The following WAC variants were observed in gnomAD, a reference collection of about 807,000 sequenced individuals.
WAC encodes the protein WW domain-containing adapter protein with coiled-coil.
In WAC, 11 loss-of-function variants were observed where a neutral mutation model predicts 79.6. The observed-to-expected ratio is 0.14, with a 90% confidence interval of 0.09 to 0.23. WAC has a LOEUF of 0.23. WAC is among the 10% of genes least tolerant of loss of function. WAC has a pLI of 1.00. For synonymous variants in WAC, 304 were observed against 276.9 expected, an observed-to-expected ratio of 1.10 and a Z score of -0.97; for missense variants, 728 against 773.5, an observed-to-expected ratio of 0.94 and a Z score of 0.70.
intron 6 of WAC, among the ~76,000 whole-genome samples, chr10:28,593,744 T>A (rs866863393): frequency 8.7e-5 from 13 of 149,098 alleles, no homozygotes; most frequent in East Asian, 2.0e-4. Context: ...AAAAAAAAAA[T>A]AAAATATTTT....
Position 28,595,847 on chromosome 10 carries a change from G to C in WAC, c.725G>C (p.Ser242Thr), listed in dbSNP as rs1460365656. The change falls in exon 7 of 14, where the codon AGT (serine) becomes ACT (threonine). Residue 242 changes from serine (S) to threonine (T), a missense_variant. Transcript: ENST00000354911. The part of the protein sequence containing the change: ...YRLPRAETHS[S>T]STPVQHPIKP... ...CTGCCAAGAGCAGAGACTCACAGTA[G>C]TTCTACGCCAGTACAGCACCCCATC... 1.2e-6 allele frequency: 2 copies of C among 1,614,150 alleles called. No individual in the cohort carries two copies. Among genetic ancestry groups the C allele is most frequent in the Admixed American group, 3.3e-5 (2 of 60,012 alleles).
chr10:28,535,782 T>G, intron 3 of WAC, 25 bp downstream of exon 3: 1 of 1,577,716 alleles, frequency 6.3e-7, no homozygotes, highest in Non-Finnish European at 8.6e-7. Context: ...TGTTGAAACT[T>G]TGACATACAG....
chr10:28,574,245 TC>T, intron 3 of WAC, among the ~76,000 whole-genome samples: 1 of 152,328 alleles, frequency 6.6e-6, no homozygotes, highest in East Asian at 1.9e-4. Flanking sequence ...CCTCCCAGGT[TC>T]CAGTGATTCT....
rs1413673436 is a variant in WAC, at chr10:28,596,047, C to T, written c.919+6C>T. 1 of 1,612,078 alleles carries T rather than the reference C, an allele frequency of 6.2e-7. No individual in the cohort carries two copies. The highest frequency in any genetic ancestry group is 1.3e-5 in the African/African-American group (1 of 74,812). On this transcript the variant is annotated splice_donor_region_variant and intron_variant, in intron 7 of 13. Coordinates refer to ENST00000354911, the MANE Select transcript of WAC (RefSeq NM_016628.5). ...ACAGAAAACAGAAAGAAAAGGTATG[C>T]CATTATTACTAGATGCTGCACGTTG...
chr10:28,566,897 A>T (rs1014598517), intron 3 of WAC, among the ~76,000 whole-genome samples: 2 of 147,246 alleles, frequency 1.4e-5, no homozygotes, highest in Non-Finnish European at 1.5e-5. Flanking sequence ...GCAGATTCAG[A>T]TCTTCTTTTA....
At position 28,613,508 on chromosome 10, in the gene WAC, A is replaced by G. The variant is rs1438463168; in HGVS notation, c.1438-1059A>G. 2.7e-5 allele frequency among the ~76,000 whole-genome samples: 4 copies of G among 150,888 alleles called. No individual in the cohort carries two copies. The East Asian group carries it at 5.8e-4, about 22-fold the overall frequency. Reference sequence around the variant, plus strand: ...GCAACCAGACTAAGACCCTGTCTGGAAAAAAAAAATCCTTTAAGCAGGTAG... The same window carrying G: ...GCAACCAGACTAAGACCCTGTCTGGGAAAAAAAAATCCTTTAAGCAGGTAG... On this transcript the variant is annotated intron_variant, in intron 10 of 13. Transcript: ENST00000354911.
chr10:28,609,926 CTTTT>C (rs35905966), intron 8 of WAC, among the ~76,000 whole-genome samples: 51 of 115,676 alleles, frequency 4.4e-4, no homozygotes, highest in South Asian at 3.9e-3. Flanking sequence ...TTCCTAAATA[CTTTT>C]TTTTTTTTTT....
At chr10:28,562,376 A>G (rs1211056737) in intron 3 of WAC, among the ~76,000 whole-genome samples, 7 of 151,878 alleles carry the variant, frequency 4.6e-5, no homozygotes, top group South Asian at 2.1e-4. Context: ...TAGATTTTCT[A>G]TGTGTTTTTT....
At chr10:28,541,618 G>T (rs778547930) in intron 3 of WAC, among the ~76,000 whole-genome samples, 4 of 151,514 alleles carry the variant, frequency 2.6e-5, no homozygotes, top group Non-Finnish European at 5.9e-5. Flanking sequence ...ATTTTCAAAG[G>T]GTTTCTATAT....
At chr10:28,541,188 T>C (rs1015290762) in intron 3 of WAC, among the ~76,000 whole-genome samples, 4 of 152,138 alleles carry the variant, frequency 2.6e-5, no homozygotes, top group African/African-American at 9.7e-5. Flanking sequence ...TTTTGGTCTG[T>C]AATTCACAGA....
At chr10:28,577,548 T>TA (rs1489113475) in intron 3 of WAC, among the ~76,000 whole-genome samples, 1 of 152,164 alleles carries the variant, frequency 6.6e-6, no homozygotes, top group African/African-American at 2.4e-5. Context: ...ATAGTACAGA[T>TA]ATGTGGCTTT....
At chr10:28,598,875 A>T (rs960891956) in intron 7 of WAC, among the ~76,000 whole-genome samples, 1 of 152,226 alleles carries the variant, frequency 6.6e-6, no homozygotes. Flanking sequence ...ACTTGTAGGA[A>T]GAAACTCGAT....
intron 13 of WAC, chr10:28,618,021 C>A: frequency 3.3e-6 from 1 of 300,074 alleles, no homozygotes; most frequent in Non-Finnish European, 6.1e-6. Context: ...CCATAAGCTG[C>A]AATAATATAT....
chr10:28,610,402 C>T (rs889608631), intron 8 of WAC, among the ~76,000 whole-genome samples: 1 of 151,968 alleles, frequency 6.6e-6, no homozygotes, highest in Non-Finnish European at 1.5e-5. Flanking sequence ...ATTGGAAGTT[C>T]CTGTGAACAC....
intron 7 of WAC, 150 bp from the exon 8 acceptor site, chr10:28,608,036 T>C (rs886224214): frequency 5.0e-6 from 4 of 801,024 alleles, no homozygotes; most frequent in East Asian, 2.5e-5. Context: ...CATGTGAATG[T>C]TTACTGAGCA....
At chr10:28,613,016 C>T (rs1291464588) in intron 10 of WAC, among the ~76,000 whole-genome samples, 1 of 152,144 alleles carries the variant, frequency 6.6e-6, no homozygotes, top group African/African-American at 2.4e-5. Flanking sequence ...GGCGCGGTGG[C>T]TCACAGCTAT....
At chr10:28,555,979 C>T (rs1219594461) in intron 3 of WAC, among the ~76,000 whole-genome samples, 1 of 152,160 alleles carries the variant, frequency 6.6e-6, no homozygotes, top group African/African-American at 2.4e-5. Context: ...AGGATTCCTG[C>T]TGAATATTGG....
At position 28,557,047 on chromosome 10, in the gene WAC, TC is replaced by T. The variant is rs5784072; in HGVS notation, c.274+21293del. On this transcript the variant is annotated intron_variant, in intron 3 of 13. Transcript: ENST00000354911. ...TTAGCTATTTGTGGTCTTTTTATGTTCCCTACAAATTTTGGGAGTTTTTTTT... is the reference window on the plus strand; with the variant it reads ...TTAGCTATTTGTGGTCTTTTTATGTTCCTACAAATTTTGGGAGTTTTTTTT... Among the ~76,000 whole-genome samples, 430 of 151,274 alleles carry T rather than the reference TC, an allele frequency of 2.8e-3. 1 individual carries two copies. Among genetic ancestry groups the T allele is most frequent in the African/African-American group, 0.01 (419 of 41,472 alleles).
chr10:28,571,872 A>T (rs994051535), intron 3 of WAC, among the ~76,000 whole-genome samples: 9 of 152,244 alleles, frequency 5.9e-5, no homozygotes, highest in African/African-American at 9.6e-5. Context: ...TTTTTTAGCT[A>T]TATTACTTGC....
Sources: gnomAD v4.1 joint callset for allele counts (sites outside exome capture counted in the v4.1 genomes callset) on GRCh38, gnomAD v4.1.1 for gene constraint, MANE v1.5 for transcripts, NCBI Gene and HGNC (gene_info 2026-07-23, HGNC 2026-07-21) for gene names.